ATP8B4: variants seen among roughly 807,000 people sequenced by gnomAD.
The protein encoded by ATP8B4 is probable phospholipid-transporting ATPase IM.
A neutral mutation model predicts 145.6 loss-of-function variants in ATP8B4; 133 were observed. That is an observed-to-expected ratio of 0.91 (90% confidence interval 0.79 to 1.05). ATP8B4 has a LOEUF of 1.05. Among genes scored for constraint, ATP8B4 ranks in the 50% least tolerant of loss-of-function variants. ATP8B4 has a pLI of 0.00. For synonymous variants in ATP8B4, 507 were observed against 492.9 expected (o/e 1.03, Z -0.38); for missense variants, 1,458 against 1,425.2 (o/e 1.02, Z -0.37).
At chr15:49,953,611 C>A (rs975347071) in intron 14 of ATP8B4, among the ~76,000 whole-genome samples, 1 of 152,204 alleles carries the variant, frequency 6.6e-6, no homozygotes, top group Non-Finnish European at 1.5e-5. Flanking sequence ...TGCTGCCCTT[C>A]CCCCACCCAA....
chr15:50,019,493 T>C (rs1339019752), intron 6 of ATP8B4, among the ~76,000 whole-genome samples: 2 of 152,244 alleles, frequency 1.3e-5, no homozygotes, highest in Non-Finnish European at 2.9e-5. Flanking sequence ...TTAAAGCATT[T>C]TGTAAACTGT....
chr15:50,172,703 T>C (rs1469089394), intron 1 of ATP8B4, among the ~76,000 whole-genome samples: 5 of 150,046 alleles, frequency 3.3e-5, no homozygotes, highest in Admixed American at 6.6e-5. Context: ...GTGAGGAGCG[T>C]CTCTGCCTGG....
chr15:50,072,926 CTCTCTCTCTCTCT>C (rs2053852198), intron 3 of ATP8B4, among the ~76,000 whole-genome samples: 14 of 9,562 alleles, frequency 1.5e-3, no homozygotes, highest in African/African-American at 5.2e-3. Flanking sequence ...CCCGGCCTCT[CTCTCTCTCTCTCT>C]CTCTCTCTCT....
intron 2 of ATP8B4, among the ~76,000 whole-genome samples, chr15:50,099,068 C>A (rs1174820917): frequency 6.6e-6 from 1 of 152,168 alleles, no homozygotes. Flanking sequence ...TCCTACCCTA[C>A]ACCCCATAAA....
intron 6 of ATP8B4, among the ~76,000 whole-genome samples, chr15:50,013,757 T>G (rs182127596): frequency 6.6e-6 from 1 of 152,144 alleles, no homozygotes; most frequent in Non-Finnish European, 1.5e-5. Context: ...TATGCCACTA[T>G]ATATCTACTC....
At chr15:50,118,892 T>C (rs1178962432) in intron 1 of ATP8B4, among the ~76,000 whole-genome samples, 1 of 151,490 alleles carries the variant, frequency 6.6e-6, no homozygotes, top group Non-Finnish European at 1.5e-5. Context: ...AAAATAGACA[T>C]TTCAAACAAC....
intron 5 of ATP8B4, among the ~76,000 whole-genome samples, chr15:50,042,009 G>A (rs1186414441): frequency 6.6e-6 from 1 of 151,620 alleles, no homozygotes; most frequent in East Asian, 1.9e-4. Flanking sequence ...CAAAAAATTA[G>A]CCAGGCGTTG....
At chr15:50,040,706 C>T (rs1295190471) in intron 5 of ATP8B4, among the ~76,000 whole-genome samples, 1 of 152,226 alleles carries the variant, frequency 6.6e-6, no homozygotes, top group Non-Finnish European at 1.5e-5. Flanking sequence ...ATCACTTCTA[C>T]TTCTGCTCAG....
intron 3 of ATP8B4, among the ~76,000 whole-genome samples, chr15:50,053,584 C>G (rs774603590): frequency 6.6e-6 from 1 of 152,214 alleles, no homozygotes; most frequent in African/African-American, 2.4e-5. Flanking sequence ...CAGTTCCCCT[C>G]AAGAATGATT....
At chr15:50,054,592 G>T (rs1216206638) in intron 3 of ATP8B4, among the ~76,000 whole-genome samples, 1 of 151,838 alleles carries the variant, frequency 6.6e-6, no homozygotes, top group Non-Finnish European at 1.5e-5. Context: ...GATCAGCCTG[G>T]CTAACATGGT....
Position 50,044,664 on chromosome 15 carries a change from C to T in ATP8B4, c.230G>A (p.Trp77Ter), listed in dbSNP as rs2051582567. 1.9e-6 allele frequency: 3 copies of T among 1,613,112 alleles called. No homozygotes were observed. The highest frequency in any genetic ancestry group is 2.5e-6 in the Non-Finnish European group (3 of 1,179,444). ...GACCAAAGGCACAATGGTGGTAAAC[C>T]AGGTCAAGGAGGAAATTTCTGGAAT... ...QLIPEISSLT[W>*]FTTIVPLVLV... The change falls in exon 5 of 28, where the codon TGG (tryptophan) becomes TAG (stop). Residue 77 changes from tryptophan (W) to a stop codon, truncating the protein, a stop_gained. Transcript: ENST00000284509. LOFTEE classifies it high-confidence loss of function.
At chr15:49,955,518 T>A (rs2043482347) in intron 14 of ATP8B4, among the ~76,000 whole-genome samples, 1 of 152,126 alleles carries the variant, frequency 6.6e-6, no homozygotes, top group East Asian at 1.9e-4. Flanking sequence ...TATCCTGCAA[T>A]CTCTTATATG....
At chr15:50,110,238 C>T (rs1337588801) in intron 1 of ATP8B4, among the ~76,000 whole-genome samples, 1 of 152,000 alleles carries the variant, frequency 6.6e-6, no homozygotes, top group Non-Finnish European at 1.5e-5. Flanking sequence ...AAAGTAACAT[C>T]GAAAAAATAA....
chr15:50,107,283 C>G (rs2056731826), intron 1 of ATP8B4, among the ~76,000 whole-genome samples: 1 of 152,192 alleles, frequency 6.6e-6, no homozygotes, highest in Admixed American at 6.5e-5. Flanking sequence ...AAATATATCT[C>G]AAATCCTGTG....
intron 14 of ATP8B4, among the ~76,000 whole-genome samples, chr15:49,959,667 G>A (rs2043890892): frequency 6.6e-6 from 1 of 151,752 alleles, no homozygotes; most frequent in Admixed American, 6.6e-5. Flanking sequence ...ATATTAAGAG[G>A]CATAATGGAG....
upstream of ATP8B4, among the ~76,000 whole-genome samples, chr15:50,123,201 C>T (rs572526404): frequency 1.3e-5 from 2 of 152,282 alleles, no homozygotes; most frequent in South Asian, 2.1e-4. Context: ...CAGTGAAAGA[C>T]ATCTGACCTA....
intron 13 of ATP8B4, among the ~76,000 whole-genome samples, chr15:49,969,646 A>C (rs1303610637): frequency 2.0e-5 from 3 of 152,188 alleles, no homozygotes; most frequent in Admixed American, 6.5e-5. Flanking sequence ...CTACCAACAA[A>C]AAAAGCCCAA....
intron 6 of ATP8B4, among the ~76,000 whole-genome samples, chr15:50,018,456 G>A (rs1741045761): frequency 6.6e-6 from 1 of 152,138 alleles, no homozygotes; most frequent in African/African-American, 2.4e-5. Context: ...CAAAAAACCT[G>A]AAGACTAGTG....
chr15:49,867,094 C>A (rs2032922555), intron 25 of ATP8B4, among the ~76,000 whole-genome samples: 1 of 152,188 alleles, frequency 6.6e-6, no homozygotes, highest in Non-Finnish European at 1.5e-5. Flanking sequence ...CTTCTAGTAA[C>A]TTGTTGCGGC....
Sources: allele counts gnomAD v4.1 joint callset (sites outside exome capture counted in the v4.1 genomes callset), GRCh38; gene constraint gnomAD v4.1.1; transcripts MANE v1.5; gene names NCBI Gene and HGNC (gene_info 2026-07-23, HGNC 2026-07-21).